MBTPS1: variants seen among roughly 807,000 people sequenced by gnomAD.
The protein encoded by MBTPS1 is membrane bound transcription factor peptidase, site 1.
In MBTPS1, 94 loss-of-function variants were observed where a neutral mutation model predicts 127.8. The observed-to-expected ratio is 0.74, with a 90% CI of 0.62 to 0.87. MBTPS1 has a LOEUF of 0.87. MBTPS1 is among the 40% of genes least tolerant of loss of function. The pLI is 0.00. For synonymous variants in MBTPS1, 632 were observed against 509.4 expected, an observed-to-expected ratio of 1.24 and a Z score of -3.24; for missense variants, 1,636 against 1,353.2, an observed-to-expected ratio of 1.21 and a Z score of -3.28.
intron 21 of MBTPS1, among the ~76,000 whole-genome samples, chr16:84,058,313 C>T (rs1174521436): frequency 6.6e-6 from 1 of 152,246 alleles, no homozygotes; most frequent in Non-Finnish European, 1.5e-5. Context: ...CTCCTCTTCG[C>T]CTTACAGGAC....
intron 3 of MBTPS1, among the ~76,000 whole-genome samples, chr16:84,098,719 C>G (rs560171899): frequency 6.6e-6 from 1 of 152,094 alleles, no homozygotes. Flanking sequence ...AGAAGGCGGC[C>G]GCAGCCTTGA....
In MBTPS1 at chr16:84,099,158, T is replaced by C. The variant is rs2086219820; in HGVS notation, c.316A>G (p.Ile106Val). 6.2e-7 allele frequency: 1 copy of C among 1,614,192 alleles called. No individual in the cohort carries two copies. The highest frequency in any genetic ancestry group is 8.5e-7 in the Non-Finnish European group (1 of 1,180,036). ...AGCCCCGCTTTCTGTTTTTCTTTTA[T>C]CTGAATCACCTCAAAATCACTAGGG... ...DYPSDFEVIQIKEKQKAGLLT... is the reference protein window; with the variant it reads ...DYPSDFEVIQVKEKQKAGLLT... Residue 106 changes from isoleucine to valine, a missense_variant, in exon 3 of 23, where the codon ATA becomes GTA. Physicochemically the swap from Ile to Val is conservative, Grantham distance 29 (BLOSUM62 3). Coordinates refer to ENST00000343411, the MANE Select transcript of MBTPS1 (RefSeq NM_003791.4).
chr16:84,093,407 G>A (rs2086137027), intron 5 of MBTPS1, 110 bp from the exon 6 acceptor site: 1 of 765,186 alleles, frequency 1.3e-6, no homozygotes, highest in Non-Finnish European at 2.2e-6. Flanking sequence ...GTGCTGGATA[G>A]AGGAGGGCCT....
chr16:84,058,345 G>A (rs1444794750), intron 21 of MBTPS1, among the ~76,000 whole-genome samples: 1 of 152,206 alleles, frequency 6.6e-6, no homozygotes, highest in Non-Finnish European at 1.5e-5. Flanking sequence ...TCCGTCCCTG[G>A]CCCCATACCA....
chr16:84,091,282 T>TG (rs919685782), intron 7 of MBTPS1, among the ~76,000 whole-genome samples: 3 of 152,026 alleles, frequency 2.0e-5, no homozygotes, highest in African/African-American at 7.2e-5. Flanking sequence ...GGTCAGGAGT[T>TG]GGAGACCAGC....
chr16:84,066,752 G>T (rs2085689863), intron 16 of MBTPS1, 139 bp from the exon 17 acceptor site: 1 of 838,508 alleles, frequency 1.2e-6, no homozygotes, highest in Non-Finnish European at 1.8e-6. Context: ...GAAACCAACT[G>T]TCTGGGTTTG....
At chr16:84,100,550 A>G (rs2086240030) in intron 2 of MBTPS1, among the ~76,000 whole-genome samples, 1 of 137,084 alleles carries the variant, frequency 7.3e-6, no homozygotes, top group Non-Finnish European at 1.6e-5. Context: ...ATCTCAAAAA[A>G]GAAAAAAGAA....
Position 84,070,789 on chromosome 16 carries a change from G to C in MBTPS1, c.1594-13C>G. On this transcript the variant is annotated splice_polypyrimidine_tract_variant and intron_variant, in intron 12 of 22. Transcript: ENST00000343411. ...GCTGCCAGTCAGGCTGCAGGAAAAAGAAATCAGACAAAGGCTAAAGTGAAA... is the reference window on the plus strand; with the variant it reads ...GCTGCCAGTCAGGCTGCAGGAAAAACAAATCAGACAAAGGCTAAAGTGAAA... The C allele has an allele frequency of 1.3e-6, 2 of 1,592,390 alleles. No individual in the cohort carries two copies. The highest frequency in any genetic ancestry group is 1.8e-5 in the Admixed American group (1 of 54,978).
chr16:84,104,470 AAAAC>A (rs200491581), intron 1 of MBTPS1, among the ~76,000 whole-genome samples: 36 of 152,138 alleles, frequency 2.4e-4, no homozygotes, highest in Non-Finnish European at 7.4e-5. Flanking sequence ...CTCCACTTAA[AAAAC>A]AAACAAACAA....
In MBTPS1 at chr16:84,056,225, G is replaced by C. The variant is rs2085520126; in HGVS notation, c.2832-90C>G. The stretch of plus-strand genomic sequence containing the variant: ...GGAAGTTCAACTGAAACTCAAGACA[G>C]AGCAAGTGATCTACGGGGAGATGTG... On this transcript the variant is annotated intron_variant, in intron 21 of 22. Coordinates refer to ENST00000343411, the MANE Select transcript of MBTPS1 (RefSeq NM_003791.4). The C allele has an allele frequency of 8.1e-6, 9 of 1,109,728 alleles. No homozygotes were observed. In the East Asian group the frequency reaches 2.0e-4, roughly 25 times the overall value. 68.7% of individuals were successfully genotyped at this position (1,109,728 alleles called of 1,614,324 possible). A position where few individuals can be genotyped will look rare whatever the true frequency, so the allele number is the denominator to read the frequency against.
chr16:84,101,627 C>G lies in MBTPS1; in HGVS notation c.157G>C (p.Glu53Gln), dbSNP rs1049151348. The change falls in exon 2 of 23, where the codon GAA becomes CAA. Residue 53 changes from glutamate (E) to glutamine (Q), a missense_variant. Glu to Gln is a conservative substitution (Grantham distance 29, BLOSUM62 2). Coordinates refer to ENST00000343411, the MANE Select transcript of MBTPS1 (RefSeq NM_003791.4). ...CTTAAGACAACATCATTACCATATT[C>G]CACAACTGTTGATGAGAATTCCACC... is the stretch of plus-strand genomic sequence containing the variant. ...LKVEFSSTVV[E>Q]YEYIVAFNGY... is the part of the protein sequence containing the mutation. 5.0e-6 allele frequency: 8 copies of G among 1,613,084 alleles called. No individual in the cohort carries two copies. Among genetic ancestry groups the G allele is most frequent in the Non-Finnish European group, 6.8e-6 (8 of 1,179,458 alleles).
rs190946033 is a variant in MBTPS1, at chr16:84,066,532, G to A, written c.2310C>T (p.Ser770=). 56 of 1,614,126 alleles carry A rather than the reference G, an allele frequency of 3.5e-5. No individual in the cohort carries two copies. In the Admixed American group the frequency reaches 4.8e-4, roughly 14 times the overall value. The change falls in exon 17 of 23, where the codon AGC becomes AGT. Residue 770 remains serine (S), a synonymous_variant. Coordinates refer to ENST00000343411, the MANE Select transcript of MBTPS1 (RefSeq NM_003791.4). ...ELLSVWNMGF[S]DGLYEGEFTL... The stretch of plus-strand genomic sequence containing the variant: ...TGAACTCCCCTTCATACAGGCCATC[G>A]CTGAACCCCATGTTCCACACAGACA...
intron 19 of MBTPS1, among the ~76,000 whole-genome samples, chr16:84,062,717 C>CA (rs2085631229): frequency 6.6e-6 from 1 of 152,218 alleles, no homozygotes; most frequent in Non-Finnish European, 1.5e-5. Context: ...TGCCCAACCT[C>CA]AAGCCCCCAA....
intron 1 of MBTPS1, among the ~76,000 whole-genome samples, chr16:84,112,052 A>G (rs766811551): frequency 1.7e-4 from 26 of 152,068 alleles, no homozygotes; most frequent in Non-Finnish European, 3.1e-4. Flanking sequence ...AATACAAAAA[A>G]TTAGCTGTGC....
At chr16:84,107,654 G>A (rs1021831215) in intron 1 of MBTPS1, among the ~76,000 whole-genome samples, 3 of 151,840 alleles carry the variant, frequency 2.0e-5, no homozygotes, top group Non-Finnish European at 4.4e-5. Flanking sequence ...TGATGGCAGA[G>A]GGACTGGGGT....
In MBTPS1 at chr16:84,070,066, C is replaced by T. The variant is rs149634074; in HGVS notation, c.1783-28G>A. 1.0e-4 allele frequency: 162 copies of T among 1,543,914 alleles called. No individual in the cohort carries two copies. The African/African-American group carries it at 1.5e-3, about 14-fold the overall frequency. ...AAAAAAAAAGAAAAGAAACTTGAAA[C>T]GCCCTCATTGTGCAGAAAGAAACTT... is the stretch of plus-strand genomic sequence containing the variant. On this transcript the variant is annotated intron_variant, in intron 13 of 22. Transcript: ENST00000343411.
Position 84,099,142 on chromosome 16 carries a change from TTC to T in MBTPS1, c.330_331del (p.Lys111SerfsTer7). ...ATCTTCAAGTGTTAGCAGCCCCGCT[TTC>T]TGTTTTTCTTTTATCTGAATCACCT... On this transcript the variant is annotated frameshift_variant, in exon 3 of 23. Transcript: ENST00000343411. LOFTEE classifies it high-confidence loss of function. 6.2e-7 allele frequency: 1 copy of T among 1,614,164 alleles called. No homozygotes were observed.
intron 1 of MBTPS1, among the ~76,000 whole-genome samples, chr16:84,107,553 A>G (rs2086341615): frequency 6.6e-6 from 1 of 152,214 alleles, no homozygotes; most frequent in African/African-American, 2.4e-5. Flanking sequence ...AGGTTTCTAT[A>G]GTTTCCCAAT....
At chr16:84,111,454 T>A (rs1286964193) in intron 1 of MBTPS1, among the ~76,000 whole-genome samples, 1 of 151,488 alleles carries the variant, frequency 6.6e-6, no homozygotes, top group African/African-American at 2.4e-5. Context: ...GGCAGGAGAA[T>A]CACTTGAACC....
Sources: gnomAD v4.1 joint callset for allele counts (sites outside exome capture counted in the v4.1 genomes callset) on GRCh38, gnomAD v4.1.1 for gene constraint, MANE v1.5 for transcripts, NCBI Gene and HGNC (gene_info 2026-07-23, HGNC 2026-07-21) for gene names.